The following RNF32 variants were observed in gnomAD, a reference collection of about 807,000 sequenced individuals.
RNF32 encodes ring finger protein 32.
A neutral mutation model predicts 41.0 loss-of-function variants in RNF32; 36 were observed. That is an observed-to-expected ratio of 0.88 (90% CI 0.67 to 1.16). RNF32 has a LOEUF of 1.16. RNF32 is among the 50% of genes most tolerant of loss of function. The pLI, the probability that RNF32 is intolerant of heterozygous loss-of-function variation, is 0.00. For missense variants in RNF32, 413 were observed against 436.7 expected (o/e 0.95, Z 0.48); for synonymous variants, 154 against 160.9 (o/e 0.96, Z 0.32).
At chr7:156,649,391 C>T (rs561157089) in intron 3 of RNF32, among the ~76,000 whole-genome samples, 2 of 151,842 alleles carry the variant, frequency 1.3e-5, no homozygotes, top group Admixed American at 1.3e-4. Flanking sequence ...TTTTATGCCC[C>T]TTCTTTTTTT....
intron 7 of RNF32, among the ~76,000 whole-genome samples, chr7:156,673,536 G>A (rs1288259898): frequency 1.3e-5 from 2 of 152,154 alleles, no homozygotes; most frequent in Non-Finnish European, 2.9e-5. Context: ...CAGAGTGAAA[G>A]AGAATTTGAC....
At position 156,670,019 on chromosome 7, in the gene RNF32, C is replaced by T. The variant is rs1802129350; in HGVS notation, c.685-5677C>T. On this transcript the variant is annotated intron_variant, in intron 7 of 8. Coordinates refer to ENST00000317955, the MANE Select transcript of RNF32 (RefSeq NM_030936.4). This position sits in a 1 kb window ranked among gnomAD's most constrained non-coding sequence, Gnocchi z 4.3. ...TATGTACTTCTGTGGCCTCTCTCTC[C>T]AGTGGTCATGTAGTTTTTTTTATTT... 6.6e-6 allele frequency among the ~76,000 whole-genome samples: 1 copy of T among 152,124 alleles called. No individual in the cohort carries two copies. The highest frequency in any genetic ancestry group is 1.5e-5 in the Non-Finnish European group (1 of 68,034).
At chr7:156,657,468 A>G in intron 4 of RNF32, 73 bp from the exon 5 acceptor site, 1 of 1,422,232 alleles carries the variant, frequency 7.0e-7, no homozygotes, top group South Asian at 1.1e-5. Flanking sequence ...CTAAGCATTC[A>G]GGATTTTAAC....
chr7:156,657,627 C>T, intron 5 of RNF32, 54 bp downstream of exon 5: 1 of 1,545,660 alleles, frequency 6.5e-7, no homozygotes, highest in Non-Finnish European at 8.9e-7. Context: ...TCTCACAGTG[C>T]AGAGAAACCA....
chr7:156,660,127 C>T (rs1238259245), intron 7 of RNF32: 1 of 985,732 alleles, frequency 1.0e-6, no homozygotes, highest in Non-Finnish European at 1.2e-6. Flanking sequence ...CTCGGAACGC[C>T]CCGCTCTGAT....
intron 2 of RNF32, 138 bp downstream of exon 2, chr7:156,644,030 T>C (rs1268075160): frequency 5.5e-6 from 4 of 729,030 alleles, no homozygotes; most frequent in African/African-American, 5.3e-5. Context: ...CGATGCCAAG[T>C]GTCGCATGGG....
intron 3 of RNF32, among the ~76,000 whole-genome samples, chr7:156,647,148 G>C (rs551765553): frequency 6.6e-6 from 1 of 151,770 alleles, no homozygotes; most frequent in East Asian, 2.0e-4. Flanking sequence ...CACCATGCCT[G>C]GCCTGTTTTT....
intron 3 of RNF32, chr7:156,646,561 G>A: frequency 1.6e-6 from 2 of 1,242,404 alleles, no homozygotes; most frequent in Non-Finnish European, 2.1e-6. Context: ...GAGGTTCCAG[G>A]TGAATAAGAA....
At chr7:156,653,069 C>T (rs1585027040) in intron 3 of RNF32, among the ~76,000 whole-genome samples, 1 of 145,244 alleles carries the variant, frequency 6.9e-6, no homozygotes, top group Non-Finnish European at 1.5e-5. Context: ...ACAGTCATGT[C>T]CTAGGCCTTC....
chr7:156,656,557 T>C (rs1453860464), intron 4 of RNF32, among the ~76,000 whole-genome samples: 1 of 152,248 alleles, frequency 6.6e-6, no homozygotes, highest in Non-Finnish European at 1.5e-5. Context: ...TACAACTTTC[T>C]GAGTTCTAGT....
intron 7 of RNF32, among the ~76,000 whole-genome samples, chr7:156,666,954 T>C (rs913566702): frequency 2.6e-5 from 4 of 152,202 alleles, no homozygotes; most frequent in Admixed American, 6.5e-5. Flanking sequence ...GGTGAGTGAT[T>C]TGTCAGATGC....
At chr7:156,652,675 A>G (rs937344120) in intron 3 of RNF32, among the ~76,000 whole-genome samples, 1 of 152,160 alleles carries the variant, frequency 6.6e-6, no homozygotes, top group African/African-American at 2.4e-5. Context: ...TTTGTGTCTT[A>G]GTTTTTAACA....
chr7:156,659,002 T>G, intron 7 of RNF32: 1 of 1,483,784 alleles, frequency 6.7e-7, no homozygotes, highest in Non-Finnish European at 8.9e-7. Context: ...TTGTATTGAG[T>G]ACCTCGTGGG....
chr7:156,656,173 A>G (rs1010445952), intron 4 of RNF32, among the ~76,000 whole-genome samples: 1 of 152,354 alleles, frequency 6.6e-6, no homozygotes, highest in Non-Finnish European at 1.5e-5. Context: ...CAGATGAGGG[A>G]ATAAAAACAA....
chr7:156,654,746 G>A (rs556708132), intron 4 of RNF32, 28 bp downstream of exon 4: 2 of 1,605,722 alleles, frequency 1.2e-6, no homozygotes, highest in East Asian at 2.2e-5. Context: ...GTGAGCTAGA[G>A]AGCTCCTGGG....
At chr7:156,658,100 A>G (rs748021231) in intron 5 of RNF32, 28 bp from the exon 6 acceptor site, 3 of 1,605,234 alleles carry the variant, frequency 1.9e-6, no homozygotes, top group Non-Finnish European at 2.6e-6. Flanking sequence ...ATTACTTGTA[A>G]AATTTTAAGT....
At chr7:156,666,916 A>G (rs1325854289) in intron 7 of RNF32, among the ~76,000 whole-genome samples, 2 of 152,170 alleles carry the variant, frequency 1.3e-5, no homozygotes, top group Admixed American at 6.5e-5. Context: ...GCCCCAGCTA[A>G]AAGTCCCAGA....
chr7:156,657,950 G>A (rs1799979605), intron 5 of RNF32, among the ~76,000 whole-genome samples, 178 bp from the exon 6 acceptor site: 1 of 152,150 alleles, frequency 6.6e-6, no homozygotes, highest in Non-Finnish European at 1.5e-5. Context: ...TTTTGGAACA[G>A]GTTTTGTGAG....
chr7:156,645,799 GA>G (rs1465448364), intron 3 of RNF32, among the ~76,000 whole-genome samples: 1 of 152,046 alleles, frequency 6.6e-6, no homozygotes, highest in African/African-American at 2.4e-5. Context: ...AACAAATCAG[GA>G]ATTTCAAAAC....
Sources: allele counts gnomAD v4.1 joint callset (sites outside exome capture counted in the v4.1 genomes callset), GRCh38; gene constraint gnomAD v4.1.1; non-coding constraint Gnocchi (gnomAD v3.1); transcripts MANE v1.5; gene names NCBI Gene and HGNC (gene_info 2026-07-23, HGNC 2026-07-21).